Variants in TECPR2 observed in about 807,000 individuals in gnomAD.
TECPR2 encodes tectonin beta-propeller repeat containing 2.
Under a neutral mutation model 138.1 loss-of-function variants are expected in TECPR2, and 65 were observed. The ratio of observed to expected loss-of-function variants is 0.47; its 90% CI spans 0.39 to 0.58. The LOEUF (loss-of-function observed/expected upper bound fraction) is 0.58. Among genes scored for constraint, TECPR2 ranks in the 20% least tolerant of loss-of-function variants. The pLI is 0.00. For missense variants in TECPR2, 1,553 were observed against 1,824.5 expected, an observed-to-expected ratio of 0.85 and a Z score of 2.71; for synonymous variants, 746 against 749.8, an observed-to-expected ratio of 0.99 and a Z score of 0.08.
intron 5 of TECPR2, among the ~76,000 whole-genome samples, chr14:102,418,928 G>A (rs558921207): frequency 1.6e-4 from 25 of 152,256 alleles, no homozygotes; most frequent in Middle Eastern, 6.8e-3. Context: ...GTGGATTGAC[G>A]CAGAGAATCC....
At position 102,440,619 on chromosome 14, in the gene TECPR2, G is replaced by A; in HGVS notation, c.2752+10G>A. ...CTATACTTGCAGACAGGTAACCGCG[G>A]GCCACGCTTAGAGGCCTGCCAGCTC... On this transcript the variant is annotated intron_variant, in intron 11 of 19. Transcript: ENST00000359520. 6.2e-7 allele frequency: 1 copy of A among 1,611,280 alleles called. No individual in the cohort carries two copies. Among genetic ancestry groups the A allele is most frequent in the Non-Finnish European group, 8.5e-7 (1 of 1,178,338 alleles).
At chr14:102,408,408 G>GTA in intron 3 of TECPR2, 80 bp from the exon 4 acceptor site, 1 of 1,473,664 alleles carries the variant, frequency 6.8e-7, no homozygotes, top group East Asian at 2.3e-5. Context: ...AGGAGTGATT[G>GTA]TATACCTTTT....
rs1889162709 is a variant in TECPR2 at position 102,420,934 on chromosome 14, G to GA, written c.639-4044dup. On this transcript the variant is annotated intron_variant, in intron 5 of 19. Coordinates refer to ENST00000359520, the MANE Select transcript of TECPR2 (RefSeq NM_014844.5). The surrounding 1 kb of genome is among the most constrained non-coding windows in gnomAD (Gnocchi z 4.1). The stretch of plus-strand genomic sequence containing the variant: ...TCTTTGAGCAGCTCTTTGAGCCTCA[G>GA]ATGGCGCTTCCAGATGCTGATGTGA... Among the ~76,000 whole-genome samples the GA allele has an allele frequency of 6.6e-6, 1 of 152,208 alleles. No individual in the cohort carries two copies. Among genetic ancestry groups the GA allele is most frequent in the Admixed American group, 6.5e-5 (1 of 15,282 alleles).
Position 102,425,170 on chromosome 14 carries a change from C to G in TECPR2, c.830C>G (p.Pro277Arg). ...GAACTGCACCCGCGTCTGGAATCCC[C>G]CAACAGTGGAAGTTGCAGCTTACCT... ...PFELHPRLES[P>R]NSGSCSLPER... The change falls in exon 6 of 20, where the codon CCC becomes CGC. Residue 277 changes from proline to arginine, a missense_variant. By Grantham distance (103) the Pro-to-Arg change is moderately radical. Transcript: ENST00000359520. 3 of 1,614,132 alleles carry G rather than the reference C, an allele frequency of 1.9e-6. No individual in the cohort carries two copies. The highest frequency in any genetic ancestry group is 2.2e-5 in the South Asian group (2 of 91,080).
chr14:102,368,184 T>G (rs935312547), intron 1 of TECPR2, among the ~76,000 whole-genome samples: 1 of 151,706 alleles, frequency 6.6e-6, no homozygotes, highest in African/African-American at 2.4e-5. Context: ...AATTTTTGTG[T>G]TTTTGGTAGA....
In TECPR2 at chr14:102,499,004, C is replaced by T. The variant is rs1304231395; in HGVS notation, c.*747C>T. ...CACCCCACACCGCACTGCACCGCAC[C>T]GCACCGCACCGTACCTCGCCACATC... On this transcript the variant is annotated 3_prime_UTR_variant, in exon 20 of 20. Transcript: ENST00000359520. The T allele has an allele frequency of 1.3e-5, 9 of 698,290 alleles. No homozygotes were observed. Among genetic ancestry groups the T allele is most frequent in the African/African-American group, 7.0e-5 (4 of 57,070 alleles). The allele number at this position is 698,290 out of a possible 1,614,324, so 43.3% of individuals were successfully genotyped here. A position where few individuals can be genotyped will look rare whatever the true frequency, so the allele number is the denominator to read the frequency against.
Position 102,497,702 on chromosome 14 carries a change from G to A in TECPR2, c.4064G>A (p.Ser1355Asn). 1 of 1,607,346 alleles carries A rather than the reference G, an allele frequency of 6.2e-7. No individual in the cohort carries two copies. Among genetic ancestry groups the A allele is most frequent in the Non-Finnish European group, 8.5e-7 (1 of 1,176,706 alleles). The change falls in exon 19 of 20, where the codon AGC becomes AAC. Residue 1355 changes from serine (S) to asparagine (N), a missense_variant. By Grantham distance (46) the Ser-to-Asn change is conservative (BLOSUM62 1). Transcript: ENST00000359520. ...GACTACTGGAAGAAAATTCCCGGCA[G>A]CGTGTCGTGTTTCACAGGCAGGTGC... ...AGDYWKKIPG[S>N]VSCFTVTASD...
rs2139743058 is a variant in TECPR2 at position 102,443,160 on chromosome 14, C to A, written c.2753-487C>A. ...CAGCCCTCTGCCTGGAAGAGCTGCT[C>A]TGCCCTGCAGCCTTTGGGCCTCCAT... On this transcript the variant is annotated intron_variant, in intron 11 of 19. Coordinates refer to ENST00000359520, the MANE Select transcript of TECPR2 (RefSeq NM_014844.5). The surrounding 1 kb of genome is among the most constrained non-coding windows in gnomAD (Gnocchi z 4.9). 6.6e-6 allele frequency among the ~76,000 whole-genome samples: 1 copy of A among 152,384 alleles called. No homozygotes were observed. The highest frequency in any genetic ancestry group is 2.4e-5 in the African/African-American group (1 of 41,596).
chr14:102,482,913 G>A (rs927201930), intron 17 of TECPR2, among the ~76,000 whole-genome samples: 1 of 139,290 alleles, frequency 7.2e-6, no homozygotes, highest in East Asian at 2.2e-4. Flanking sequence ...GCATGATCTC[G>A]GCTCACTGCA....
intron 19 of TECPR2, 78 bp from the exon 20 acceptor site, chr14:102,498,025 C>CCAAGCTCCCAGCTCCATCTGTGCT: frequency 6.4e-7 from 1 of 1,557,346 alleles, no homozygotes; most frequent in South Asian, 1.2e-5. Flanking sequence ...AGACCTGCGC[C>CCAAGCTCCCAGCTCCATCTGTGCT]CAAGCTCCCA....
chr14:102,396,600 T>TA (rs1425680627), intron 2 of TECPR2, among the ~76,000 whole-genome samples: 2 of 152,178 alleles, frequency 1.3e-5, no homozygotes, highest in Non-Finnish European at 2.9e-5. Flanking sequence ...TAGACATCAA[T>TA]TGTACTGGCA....
intron 16 of TECPR2, among the ~76,000 whole-genome samples, chr14:102,454,063 G>A (rs1890218046): frequency 6.6e-6 from 1 of 151,664 alleles, no homozygotes; most frequent in Non-Finnish European, 1.5e-5. Flanking sequence ...TGAGGCACGA[G>A]AATCACTTGA....
rs1486725981 is a variant in TECPR2, at chr14:102,449,690, C to T, written c.3137C>T (p.Ala1046Val). Residue 1046 changes from alanine to valine, a missense_variant, in exon 14 of 20, where the codon GCC (alanine) becomes GTC (valine). Transcript: ENST00000359520. ...QCSLFQTIIH[A>V]THSVATAAQA... ...AGCTTATTTCAGACGATAATCCATG[C>T]CACTCACTCGGTGGCCACAGCAGCC... 6.2e-7 allele frequency: 1 copy of T among 1,614,080 alleles called. No homozygotes were observed. Among genetic ancestry groups the T allele is most frequent in the Admixed American group, 1.7e-5 (1 of 59,992 alleles).
chr14:102,480,378 C>A (rs1003258759), intron 17 of TECPR2, among the ~76,000 whole-genome samples: 5 of 152,110 alleles, frequency 3.3e-5, no homozygotes, highest in African/African-American at 1.2e-4. Context: ...GCGCCCACCA[C>A]CACACCTGGC....
At chr14:102,441,952 C>A (rs118116170) in intron 11 of TECPR2, among the ~76,000 whole-genome samples, 3 of 152,240 alleles carry the variant, frequency 2.0e-5, no homozygotes, top group Non-Finnish European at 4.4e-5. Flanking sequence ...GTCTTCCAGG[C>A]GTTTAATGTT....
chr14:102,399,785 C>G (rs939019576), intron 2 of TECPR2, among the ~76,000 whole-genome samples: 2 of 151,154 alleles, frequency 1.3e-5, no homozygotes, highest in Non-Finnish European at 2.9e-5. Context: ...GAACTGAGAT[C>G]TGGCCACTGC....
intron 2 of TECPR2, among the ~76,000 whole-genome samples, chr14:102,387,253 A>T (rs763015204): frequency 5.3e-5 from 8 of 152,140 alleles, no homozygotes; most frequent in Non-Finnish European, 8.8e-5. Flanking sequence ...TTTGGAAACC[A>T]TTTTTTTCTA....
chr14:102,407,533 A>G (rs967940684), intron 3 of TECPR2, 67 bp downstream of exon 3: 3 of 1,520,514 alleles, frequency 2.0e-6, no homozygotes, highest in Non-Finnish European at 2.6e-6. Context: ...TTAAAATTAG[A>G]AATCCTCATC....
rs1304241795 is a variant in TECPR2, at chr14:102,435,182, G to A, written c.2365G>A (p.Glu789Lys). The A allele has an allele frequency of 3.7e-6, 6 of 1,612,386 alleles. No individual in the cohort carries two copies. The highest frequency in any genetic ancestry group is 5.1e-6 in the Non-Finnish European group (6 of 1,179,842). The part of the protein sequence containing the change: ...SQQDLSRLGA[E>K]DAGLLKPDQF... Reference sequence around the variant, plus strand: ...GCAGGACCTGAGCCGGCTGGGTGCAGAGGACGCCGGGCTGCTCAAGCCAGA... The same window carrying A: ...GCAGGACCTGAGCCGGCTGGGTGCAAAGGACGCCGGGCTGCTCAAGCCAGA... Residue 789 changes from glutamate (E) to lysine (K), a missense_variant, in exon 9 of 20, where the codon GAG becomes AAG. Physicochemically the swap from Glu to Lys is moderately conservative, Grantham distance 56. Coordinates refer to ENST00000359520, the MANE Select transcript of TECPR2 (RefSeq NM_014844.5).
Sources: gnomAD v4.1 joint callset for allele counts (sites outside exome capture counted in the v4.1 genomes callset) on GRCh38, gnomAD v4.1.1 for gene constraint, Gnocchi (gnomAD v3.1) non-coding constraint, MANE v1.5 for transcripts, NCBI Gene and HGNC (gene_info 2026-07-23, HGNC 2026-07-21) for gene names.